CHD9NB: variants seen among roughly 807,000 people sequenced by gnomAD.
The protein encoded by CHD9NB is CHD9 neighbor.
chr16:53,049,250 G>A, the CHD9NB span, among the ~76,000 whole-genome samples: 1 of 151,808 alleles, frequency 6.6e-6, no homozygotes, highest in Non-Finnish European at 1.5e-5. Flanking sequence ...CAACCTTCTG[G>A]GCTCAAGCCA....
the CHD9NB span, among the ~76,000 whole-genome samples, chr16:53,038,901 T>A: frequency 6.6e-6 from 1 of 152,210 alleles, no homozygotes; most frequent in Admixed American, 6.5e-5. Context: ...TGCTCAGACA[T>A]GGTAAGAGTG....
At chr16:53,041,358 T>C in the CHD9NB span, among the ~76,000 whole-genome samples, 1 of 152,272 alleles carries the variant, frequency 6.6e-6, no homozygotes, top group Non-Finnish European at 1.5e-5. Context: ...ATAACGGGAA[T>C]GTCCTTAAAA....
the CHD9NB span, among the ~76,000 whole-genome samples, chr16:53,046,180 T>G: frequency 6.6e-6 from 1 of 152,136 alleles, no homozygotes; most frequent in Non-Finnish European, 1.5e-5. Flanking sequence ...AGGCAAATCC[T>G]TATTTGGATA....
chr16:53,044,211 G>GC, the CHD9NB span: 4 of 398,582 alleles, frequency 1.0e-5, no homozygotes, highest in Non-Finnish European at 1.8e-5. Flanking sequence ...GAGGAGGAAG[G>GC]TCTGTGCCTT....
the CHD9NB span, among the ~76,000 whole-genome samples, chr16:53,039,513 A>C: frequency 6.6e-6 from 1 of 152,250 alleles, no homozygotes; most frequent in Non-Finnish European, 1.5e-5. Flanking sequence ...TGGAAGGCCG[A>C]GGTGGCAGAT....
chr16:53,039,749 A>T, the CHD9NB span, among the ~76,000 whole-genome samples: 17,717 of 151,972 alleles, frequency 0.12, 1,367 homozygotes, highest in Non-Finnish European at 0.17. Flanking sequence ...TCAAAAAAAA[A>T]AAAAAGTTCA....
At chr16:53,047,314 A>C in the CHD9NB span, 5 of 152,200 alleles carry the variant, frequency 3.3e-5, no homozygotes, top group Admixed American at 1.3e-4. Flanking sequence ...GTTTCTTAAG[A>C]ATTATACATT....
chr16:53,048,737 A>G, the CHD9NB span, among the ~76,000 whole-genome samples: 1 of 152,218 alleles, frequency 6.6e-6, no homozygotes, highest in Non-Finnish European at 1.5e-5. Context: ...GCTTGTGTGC[A>G]CAGGGTCACC....
the CHD9NB span, among the ~76,000 whole-genome samples, chr16:53,041,283 A>G: frequency 2.6e-5 from 4 of 152,256 alleles, no homozygotes; most frequent in African/African-American, 7.2e-5. Context: ...AACCACTTTT[A>G]CCAGGCACTT....
At chr16:53,044,718 GTAC>G in the CHD9NB span, among the ~76,000 whole-genome samples, 51,876 of 151,782 alleles carry the variant, frequency 0.34, 9,685 homozygotes, top group African/African-American at 0.5. Flanking sequence ...TAGATGCTGG[GTAC>G]TACTACTCTG....
the CHD9NB span, among the ~76,000 whole-genome samples, chr16:53,051,768 A>AAT: frequency 0.032 from 3,318 of 102,220 alleles, 77 homozygotes; most frequent in African/African-American, 0.041. Context: ...TAAAAGTATA[A>AAT]ATATATATAT....
At chr16:53,039,152 G>A in the CHD9NB span, among the ~76,000 whole-genome samples, 1 of 152,136 alleles carries the variant, frequency 6.6e-6, no homozygotes. Context: ...GATTTACTCA[G>A]ATCTCTCTGA....
the CHD9NB span, among the ~76,000 whole-genome samples, chr16:53,051,607 C>G: frequency 4.0e-5 from 3 of 75,238 alleles, no homozygotes; most frequent in African/African-American, 1.2e-4. Flanking sequence ...CATCGCACAC[C>G]GGGGCCTGTT....
chr16:53,046,747 T>A, the CHD9NB span, among the ~76,000 whole-genome samples: 1 of 152,102 alleles, frequency 6.6e-6, no homozygotes, highest in East Asian at 1.9e-4. Context: ...CCCAGACACA[T>A]CCTGGATGAG....
chr16:53,050,578 C>T, the CHD9NB span, among the ~76,000 whole-genome samples: 1 of 152,190 alleles, frequency 6.6e-6, no homozygotes, highest in South Asian at 2.1e-4. Flanking sequence ...ATCAGTTCAT[C>T]TGCTATTACA....
chr16:53,045,352 G>A, the CHD9NB span, among the ~76,000 whole-genome samples: 2 of 152,146 alleles, frequency 1.3e-5, no homozygotes, highest in African/African-American at 4.8e-5. Context: ...GGCTGTTATT[G>A]TGCTTTTAAT....
the CHD9NB span, among the ~76,000 whole-genome samples, chr16:53,037,168 T>G: frequency 6.6e-6 from 1 of 152,194 alleles, no homozygotes; most frequent in Non-Finnish European, 1.5e-5. Context: ...TCTCCTGACC[T>G]CATGATCCAC....
At chr16:53,043,884 G>C in the CHD9NB span, 2 of 397,578 alleles carry the variant, frequency 5.0e-6, no homozygotes, top group Non-Finnish European at 8.8e-6. Flanking sequence ...CAAAGCTGGA[G>C]GCTTTCTCTC....
the CHD9NB span, chr16:53,043,056 A>G: frequency 6.6e-6 from 1 of 152,230 alleles, no homozygotes; most frequent in Non-Finnish European, 1.5e-5. Flanking sequence ...TCTTAATCTC[A>G]GATCCCCAAT....
Sources: gnomAD v4.1 joint callset for allele counts (sites outside exome capture counted in the v4.1 genomes callset) on GRCh38, gnomAD v4.1.1 for gene constraint, MANE v1.5 for transcripts, NCBI Gene and HGNC (gene_info 2026-07-23, HGNC 2026-07-21) for gene names.